VDAC1: variants seen among roughly 807,000 people sequenced by gnomAD.
The protein encoded by VDAC1 is voltage dependent anion channel 1.
VDAC1 carries 10 observed loss-of-function variants against 34.7 expected under a neutral mutation model. The observed-to-expected ratio is 0.29, with a 90% CI of 0.18 to 0.49. The LOEUF is 0.49. VDAC1 is among the 20% of genes least tolerant of loss of function. VDAC1 has a pLI of 0.99. For synonymous variants in VDAC1, 130 were observed against 136.0 expected (o/e 0.96, Z 0.30); for missense variants, 230 against 347.9 (o/e 0.66, Z 2.69).
chr5:134,082,005 G>T, the VDAC1 span: 1 of 163,994 alleles, frequency 6.1e-6, no homozygotes, highest in Non-Finnish European at 1.3e-5. Flanking sequence ...TTCCAACCAT[G>T]TTGGCCAAAG....
At chr5:133,990,961 T>G in intron 4 of VDAC1, 41 bp downstream of exon 4, 1 of 1,607,314 alleles carries the variant, frequency 6.2e-7, no homozygotes, top group Admixed American at 1.7e-5. Context: ...GGCTGGCAGA[T>G]GCGAATTAAT....
At chr5:134,053,055 C>T in the VDAC1 span, among the ~76,000 whole-genome samples, 9 of 151,998 alleles carry the variant, frequency 5.9e-5, no homozygotes, top group Admixed American at 1.3e-4. Context: ...GTGGAGGTTG[C>T]GGTGAGCTGA....
chr5:133,987,818 T>C (rs770879325), intron 5 of VDAC1, among the ~76,000 whole-genome samples: 2 of 152,008 alleles, frequency 1.3e-5, no homozygotes, highest in East Asian at 1.9e-4. Flanking sequence ...ATGAAGAGAG[T>C]TGGCAGACAC....
the VDAC1 span, among the ~76,000 whole-genome samples, chr5:134,101,712 C>A: frequency 6.6e-6 from 1 of 152,170 alleles, no homozygotes; most frequent in African/African-American, 2.4e-5. Flanking sequence ...AGGGTAGGGT[C>A]GGGACTCCTG....
chr5:134,033,685 A>AG, the VDAC1 span, among the ~76,000 whole-genome samples: 1 of 151,546 alleles, frequency 6.6e-6, no homozygotes, highest in African/African-American at 2.4e-5. Flanking sequence ...AAAAAAAAAA[A>AG]AAAGTAAAAA....
At chr5:134,011,720 A>C in the VDAC1 span, among the ~76,000 whole-genome samples, 2 of 150,704 alleles carry the variant, frequency 1.3e-5, no homozygotes, top group Non-Finnish European at 2.9e-5. Context: ...GCTCACTGCA[A>C]CCTCCGCCTC....
At chr5:134,084,648 CAT>C in the VDAC1 span, among the ~76,000 whole-genome samples, 3 of 152,262 alleles carry the variant, frequency 2.0e-5, no homozygotes, top group Admixed American at 6.5e-5. Context: ...TCAGTTTCCC[CAT>C]CTCTCAAATG....
intron 1 of VDAC1, among the ~76,000 whole-genome samples, chr5:134,002,063 C>T (rs1439684116): frequency 6.6e-6 from 1 of 152,184 alleles, no homozygotes; most frequent in Non-Finnish European, 1.5e-5. Context: ...CTCAACCACA[C>T]ATGCGCCTCT....
chr5:133,994,522 C>T (rs1468294561), intron 1 of VDAC1, among the ~76,000 whole-genome samples: 3 of 152,152 alleles, frequency 2.0e-5, no homozygotes, highest in African/African-American at 4.8e-5. Flanking sequence ...ACACTGCCCG[C>T]CACTGGCTCT....
At chr5:134,093,880 G>A in the VDAC1 span, among the ~76,000 whole-genome samples, 2 of 152,196 alleles carry the variant, frequency 1.3e-5, no homozygotes, top group African/African-American at 4.8e-5. Context: ...AGTGGCCAAG[G>A]CAGCCCCTCT....
the VDAC1 span, among the ~76,000 whole-genome samples, chr5:134,030,349 A>C: frequency 2.6e-5 from 4 of 152,104 alleles, no homozygotes; most frequent in Non-Finnish European, 5.9e-5. Context: ...TCAAAAAAAA[A>C]AAGAGAAAAA....
intron 1 of VDAC1, among the ~76,000 whole-genome samples, chr5:133,998,817 C>T (rs1307251843): frequency 6.6e-6 from 1 of 152,226 alleles, no homozygotes; most frequent in Non-Finnish European, 1.5e-5. Flanking sequence ...ACAAGAATCA[C>T]CGGAGGCGCT....
At chr5:134,050,252 A>AAAAT in the VDAC1 span, among the ~76,000 whole-genome samples, 80 of 152,254 alleles carry the variant, frequency 5.3e-4, no homozygotes, top group Middle Eastern at 6.8e-3. Context: ...CGTCTAAAAG[A>AAAAT]AAATAAATAA....
chr5:133,974,888 G>T (rs1480542034), intron 7 of VDAC1, among the ~76,000 whole-genome samples: 3 of 151,978 alleles, frequency 2.0e-5, no homozygotes, highest in African/African-American at 7.3e-5. Flanking sequence ...GGGGGACGGA[G>T]GTTGCGCAGT....
intron 1 of VDAC1, among the ~76,000 whole-genome samples, chr5:133,998,969 C>A (rs909119649): frequency 6.6e-6 from 1 of 152,150 alleles, no homozygotes; most frequent in Non-Finnish European, 1.5e-5. Flanking sequence ...TACCAGGCCC[C>A]CGCCTGGTAG....
chr5:134,070,636 G>T, the VDAC1 span, among the ~76,000 whole-genome samples: 3 of 151,940 alleles, frequency 2.0e-5, no homozygotes, highest in African/African-American at 7.3e-5. Context: ...TATAGTTATT[G>T]GTTAACAATG....
At chr5:134,002,738 G>A (rs1753607596) in intron 1 of VDAC1, among the ~76,000 whole-genome samples, 1 of 152,160 alleles carries the variant, frequency 6.6e-6, no homozygotes, top group Non-Finnish European at 1.5e-5. Flanking sequence ...GCGGAGGCGG[G>A]TGGATTGCTT....
chr5:134,085,091 CAG>C, the VDAC1 span, among the ~76,000 whole-genome samples: 29 of 91,316 alleles, frequency 3.2e-4, no homozygotes, highest in Admixed American at 1.0e-3. Flanking sequence ...TTTTTTGAGA[CAG>C]AGTCTCACTC....
At chr5:134,051,893 T>G in the VDAC1 span, among the ~76,000 whole-genome samples, 1 of 152,036 alleles carries the variant, frequency 6.6e-6, no homozygotes, top group East Asian at 1.9e-4. Context: ...AGACGGGGTT[T>G]CACCATGTTG....
Sources: gnomAD v4.1 joint callset for allele counts (sites outside exome capture counted in the v4.1 genomes callset) on GRCh38, gnomAD v4.1.1 for gene constraint, MANE v1.5 for transcripts, NCBI Gene and HGNC (gene_info 2026-07-23, HGNC 2026-07-21) for gene names.